ZFHX4: variants seen among roughly 807,000 people sequenced by gnomAD.
ZFHX4 encodes zinc finger homeobox 4.
A neutral mutation model predicts 267.6 loss-of-function variants in ZFHX4; 56 were observed. The observed-to-expected ratio is 0.21, with a 90% CI of 0.17 to 0.26. The LOEUF (loss-of-function observed/expected upper bound fraction) is 0.26. ZFHX4 is among the 10% of genes least tolerant of loss of function. The pLI, the probability that ZFHX4 is intolerant of heterozygous loss-of-function variation, is 1.00. For synonymous variants in ZFHX4, 1,778 were observed against 1,665.6 expected (o/e 1.07, Z -1.64); for missense variants, 4,332 against 4,420.0 (o/e 0.98, Z 0.56).
intron 3 of ZFHX4, among the ~76,000 whole-genome samples, chr8:76,721,978 A>G (rs545673021): frequency 6.6e-6 from 1 of 152,196 alleles, no homozygotes; most frequent in South Asian, 2.1e-4. Flanking sequence ...AAAAGTATGA[A>G]TATGCCTCTT....
At chr8:76,796,232 C>T (rs1397922237) in intron 4 of ZFHX4, among the ~76,000 whole-genome samples, 1 of 152,072 alleles carries the variant, frequency 6.6e-6, no homozygotes, top group East Asian at 1.9e-4. Context: ...CATGACTTTA[C>T]ACAGCTTAGG....
chr8:76,736,211 G>T (rs2131672402), intron 3 of ZFHX4, among the ~76,000 whole-genome samples: 1 of 151,678 alleles, frequency 6.6e-6, no homozygotes, highest in African/African-American at 2.4e-5. Flanking sequence ...GGCATGTATG[G>T]TTAATATAAA....
At position 76,863,646 on chromosome 8, in the gene ZFHX4, C is replaced by A. The variant is rs776781841; in HGVS notation, c.9932C>A (p.Ser3311Tyr). 3 of 1,611,820 alleles carry A rather than the reference C, an allele frequency of 1.9e-6. No individual in the cohort carries two copies. Among genetic ancestry groups the A allele is most frequent in the East Asian group, 2.2e-5 (1 of 44,744 alleles). Reference sequence around the variant, plus strand: ...ATGCCCCAGACACTGGCAGGTCTGTCCCCAGGTGCACTGTTGCAGCAGTAC... The same window carrying A: ...ATGCCCCAGACACTGGCAGGTCTGTACCCAGGTGCACTGTTGCAGCAGTAC... Reference protein sequence around the residue: ...PTMPQTLAGLSPGALLQQYQQ... With the variant: ...PTMPQTLAGLYPGALLQQYQQ... The change falls in exon 11 of 11, where the codon TCC becomes TAC. Residue 3311 changes from serine to tyrosine, a missense_variant. By Grantham distance (144) the Ser-to-Tyr change is moderately radical (BLOSUM62 -2). Transcript: ENST00000651372.
intron 3 of ZFHX4, among the ~76,000 whole-genome samples, chr8:76,735,702 G>A (rs955915650): frequency 2.6e-5 from 4 of 152,112 alleles, no homozygotes; most frequent in African/African-American, 4.8e-5. Context: ...TTGTCTCAAA[G>A]TGTTAGCTGC....
chr8:76,864,355 C>T lies in ZFHX4; in HGVS notation c.10641C>T (p.Ser3547=). The T allele has an allele frequency of 2.5e-6, 4 of 1,613,846 alleles. No individual in the cohort carries two copies. The South Asian group carries it at 4.4e-5, about 18-fold the overall frequency. ...CTTCTCCCCCTTCTTCTCCTCCTTCCCTTTCCTTGCCTTCAACGGTTACCT... is the reference window on the plus strand; with the variant it reads ...CTTCTCCCCCTTCTTCTCCTCCTTCTCTTTCCTTGCCTTCAACGGTTACCT... ...RAASPPSSPP[S]LSLPSTVTSS... is the part of the protein sequence containing the mutation. Residue 3547 remains serine (S), a synonymous_variant, in exon 11 of 11, where the codon TCC becomes TCT. Transcript: ENST00000651372.
rs780344164 is a variant in ZFHX4 at position 76,855,090 on chromosome 8, C to T, written c.8169C>T (p.Ser2723=). 1 of 1,613,800 alleles carries T rather than the reference C, an allele frequency of 6.2e-7. No individual in the cohort carries two copies. Among genetic ancestry groups the T allele is most frequent in the East Asian group, 2.2e-5 (1 of 44,816 alleles). The stretch of plus-strand genomic sequence containing the variant: ...TATCCACCGAAGATGGGGGAGAAAG[C>T]CCACAGAAATACATCTATTTTGATT... ...PLISTEDGGE[S]PQKYIYFDYP... Residue 2723 remains serine, a synonymous_variant, in exon 10 of 11, where the codon AGC becomes AGT. Coordinates refer to ENST00000651372, the MANE Select transcript of ZFHX4 (RefSeq NM_024721.5).
chr8:76,764,196 A>G (rs947704653), intron 3 of ZFHX4, among the ~76,000 whole-genome samples: 25 of 152,298 alleles, frequency 1.6e-4, no homozygotes, highest in African/African-American at 5.8e-4. Flanking sequence ...CAGTTTCTCA[A>G]AGGAAATTGC....
chr8:76,822,486 A>G (rs1389326937), intron 4 of ZFHX4, among the ~76,000 whole-genome samples: 2 of 107,086 alleles, frequency 1.9e-5, no homozygotes, highest in Non-Finnish European at 3.5e-5. Context: ...AGATGGTCTC[A>G]TTATTGCAGT....
chr8:76,848,995 G>A lies in ZFHX4; in HGVS notation c.3512G>A (p.Gly1171Glu), dbSNP rs1812436023. ...SEGKNSNKDS[G>E]IITPEKELKV... ...TTGTTCTATTCTTTTTGGGAATCAG[G>A]GATAATCACACCAGAGAAGGAACTA... The change falls in exon 7 of 11, where the codon GGG (glycine) becomes GAG (glutamate). Residue 1171 changes from glycine (G) to glutamate (E), a missense_variant and splice_region_variant. Physicochemically the swap from Gly to Glu is moderately conservative, Grantham distance 98 (BLOSUM62 -2). Around this residue, in one of 7 missense-constraint regions of ZFHX4, gnomAD observed 1,371 missense variants for 1,423.1 expected, o/e 0.96. Transcript: ENST00000651372. The A allele has an allele frequency of 2.6e-6, 4 of 1,523,650 alleles. No individual in the cohort carries two copies. The highest frequency in any genetic ancestry group is 3.5e-6 in the Non-Finnish European group (4 of 1,138,730). The allele number at this position is 1,523,650 out of a possible 1,614,324, so 94.4% of individuals were successfully genotyped here.
chr8:76,801,307 A>T (rs1219057247), intron 4 of ZFHX4, among the ~76,000 whole-genome samples: 3 of 152,228 alleles, frequency 2.0e-5, no homozygotes, highest in African/African-American at 4.8e-5. Flanking sequence ...GAAAGGCAGG[A>T]ATGTATACAA....
rs56207969 is a variant in ZFHX4, at chr8:76,804,360, A to G, written c.3325+25921A>G. On this transcript the variant is annotated intron_variant, in intron 4 of 10. Coordinates refer to ENST00000651372, the MANE Select transcript of ZFHX4 (RefSeq NM_024721.5). Reference sequence around the variant, plus strand: ...TATATTTAGTGACTTTATGATTTCTAGTAACAGAGGAATTTGAATAGCGAA... The same window carrying G: ...TATATTTAGTGACTTTATGATTTCTGGTAACAGAGGAATTTGAATAGCGAA... Among the ~76,000 whole-genome samples the G allele has an allele frequency of 3.9e-3, 587 of 152,258 alleles. 3 individuals are homozygous for G. The highest frequency in any genetic ancestry group is 5.6e-3 in the Non-Finnish European group (380 of 68,000).
rs778804692 is a variant in ZFHX4 at position 76,705,207 on chromosome 8, C to A, written c.1119C>A (p.Asp373Glu). Residue 373 changes from aspartate to glutamate, a missense_variant, in exon 2 of 11, where the codon GAC (aspartate) becomes GAA (glutamate). This residue lies in a region of ZFHX4 where 1,195 missense variants were observed against 1,173.6 expected (regional missense o/e 1.02). Coordinates refer to ENST00000651372, the MANE Select transcript of ZFHX4 (RefSeq NM_024721.5). ...LWSAFHVENG[D>E]SLPAGFAFLK... ...GCGCTTTTCATGTTGAAAATGGTGA[C>A]TCTTTGCCGGCTGGCTTTGCCTTCT... The A allele has an allele frequency of 1.9e-6, 3 of 1,613,872 alleles. No homozygotes were observed. The highest frequency in any genetic ancestry group is 4.5e-5 in the East Asian group (2 of 44,890).
chr8:76,813,323 A>T lies in ZFHX4; in HGVS notation c.3326-20015A>T, dbSNP rs896600195. Among the ~76,000 whole-genome samples the T allele has an allele frequency of 5.3e-5, 8 of 152,138 alleles. 1 individual carries two copies. Among genetic ancestry groups the T allele is most frequent in the African/African-American group, 1.7e-4 (7 of 41,452 alleles). ...TCGTAAGAATTTTCTTTTATTGAGA[A>T]TATTCACAAGTTTATTATAAGAAGA... On this transcript the variant is annotated intron_variant, in intron 4 of 10. Coordinates refer to ENST00000651372, the MANE Select transcript of ZFHX4 (RefSeq NM_024721.5).
At chr8:76,724,372 G>A (rs555272917) in intron 3 of ZFHX4, among the ~76,000 whole-genome samples, 2 of 152,032 alleles carry the variant, frequency 1.3e-5, no homozygotes, top group African/African-American at 2.4e-5. Flanking sequence ...CTTCTCCTAC[G>A]ACAGGCTAGG....
chr8:76,851,321 G>A lies in ZFHX4; in HGVS notation c.4400G>A (p.Gly1467Glu). The change falls in exon 10 of 11, where the codon GGA becomes GAA. Residue 1467 changes from glycine to glutamate, a missense_variant. Transcript: ENST00000651372. ...QQLYASLPVN[G>E]ELWAESETMS... ...CTATATGCCTCCTTGCCCGTGAATG[G>A]AGAACTGTGGGCAGAGAGCGAAACT... 1 of 1,613,798 alleles carries A rather than the reference G, an allele frequency of 6.2e-7. No homozygotes were observed. Among genetic ancestry groups the A allele is most frequent in the Non-Finnish European group, 8.5e-7 (1 of 1,179,820 alleles).
chr8:76,759,978 C>T (rs1318339051), intron 3 of ZFHX4, among the ~76,000 whole-genome samples: 1 of 152,032 alleles, frequency 6.6e-6, no homozygotes, highest in Admixed American at 6.6e-5. Context: ...TTTTTAGTTA[C>T]AGAAACCATA....
chr8:76,691,037 G>A (rs1362551510), intron 1 of ZFHX4, among the ~76,000 whole-genome samples: 1 of 152,032 alleles, frequency 6.6e-6, no homozygotes, highest in Non-Finnish European at 1.5e-5. Flanking sequence ...GCAGGAAAAT[G>A]TTGAGACAAG....
intron 10 of ZFHX4, among the ~76,000 whole-genome samples, chr8:76,857,031 A>C (rs1007227461): frequency 6.6e-6 from 1 of 152,178 alleles, no homozygotes; most frequent in Non-Finnish European, 1.5e-5. Flanking sequence ...GTTTCTACTT[A>C]AGGCATAACA....
intron 1 of ZFHX4, chr8:76,683,640 G>C (rs1563457853): frequency 7.5e-6 from 1 of 132,588 alleles, no homozygotes; most frequent in African/African-American, 3.6e-5. Context: ...GGAAGAGAGA[G>C]AGGGGGGGAG....
Sources: allele counts gnomAD v4.1 joint callset (sites outside exome capture counted in the v4.1 genomes callset), GRCh38; gene constraint gnomAD v4.1.1; regional missense constraint gnomAD v4.1.1; transcripts MANE v1.5; gene names NCBI Gene and HGNC (gene_info 2026-07-23, HGNC 2026-07-21).